The following KCNQ1 variants were observed in gnomAD, a reference collection of about 807,000 sequenced individuals.
KCNQ1 encodes the protein potassium voltage-gated channel subfamily KQT member 1.
In KCNQ1, 49 loss-of-function variants were observed where a neutral mutation model predicts 72.4. The ratio of observed to expected loss-of-function variants is 0.68; its 90% CI spans 0.54 to 0.86. The LOEUF (loss-of-function observed/expected upper bound fraction) is 0.86. Among genes scored for constraint, KCNQ1 ranks in the 40% least tolerant of loss-of-function variants. The pLI is 0.00. For synonymous variants in KCNQ1, 450 were observed against 412.6 expected (o/e 1.09, Z -1.10); for missense variants, 790 against 945.1 (o/e 0.84, Z 2.15).
Position 2,781,642 on chromosome 11 carries a change from G to A in KCNQ1, c.1794+3605G>A, listed in dbSNP as rs1250992299. ...AGGCCGCTCCAGCCCTCCTCCCCCA[G>A]CAAGTATTCTTAGCTTGGTCTCCAG... On this transcript the variant is annotated intron_variant, in intron 15 of 15. Transcript: ENST00000155840. The surrounding 1 kb of genome is among the most constrained non-coding windows in gnomAD (Gnocchi z 6.6). 6.6e-6 allele frequency among the ~76,000 whole-genome samples: 1 copy of A among 152,220 alleles called. No individual in the cohort carries two copies. The highest frequency in any genetic ancestry group is 2.4e-5 in the African/African-American group (1 of 41,458).
intron 12 of KCNQ1, among the ~76,000 whole-genome samples, chr11:2,773,964 G>A (rs1846648214): frequency 6.6e-6 from 1 of 150,766 alleles, no homozygotes; most frequent in Non-Finnish European, 1.5e-5. Flanking sequence ...ATTACAGAAG[G>A]GGGAATCAAG....
chr11:2,517,315 C>A (rs561593931), intron 1 of KCNQ1, among the ~76,000 whole-genome samples: 10 of 152,272 alleles, frequency 6.6e-5, no homozygotes, highest in Admixed American at 4.6e-4. Flanking sequence ...GGGTGAGATG[C>A]ACCTGATGGA....
rs150495886 is a variant in KCNQ1, at chr11:2,657,938, A to G, written c.1394-4023A>G. On this transcript the variant is annotated intron_variant, in intron 10 of 15. Transcript: ENST00000155840. The surrounding 1 kb of genome is among the most constrained non-coding windows in gnomAD (Gnocchi z 4.8). ...ACATCAACATGGTTTATCACTGGTAATATTAACCTTGAGCCACTCGTTTAA... is the reference window on the plus strand; with the variant it reads ...ACATCAACATGGTTTATCACTGGTAGTATTAACCTTGAGCCACTCGTTTAA... 2.5e-6 allele frequency: 1 copy of G among 398,600 alleles called. No individual in the cohort carries two copies. The highest frequency in any genetic ancestry group is 3.6e-5 in the East Asian group (1 of 28,068). 24.7% of individuals were successfully genotyped at this position (398,600 alleles called of 1,614,324 possible).
At chr11:2,455,307 C>T (rs954972707) in intron 1 of KCNQ1, among the ~76,000 whole-genome samples, 2 of 151,558 alleles carry the variant, frequency 1.3e-5, no homozygotes, top group Non-Finnish European at 2.9e-5. Flanking sequence ...ACCGTGTTAG[C>T]CAGGATGGTC....
intron 11 of KCNQ1, chr11:2,680,838 G>A (rs183846023): frequency 1.5e-4 from 59 of 398,124 alleles, no homozygotes; most frequent in Non-Finnish European, 1.7e-4. Flanking sequence ...TTTTGGGATC[G>A]GCTCTTTTCA....
chr11:2,794,502 C>G (rs756049826), intron 15 of KCNQ1, among the ~76,000 whole-genome samples: 1 of 152,026 alleles, frequency 6.6e-6, no homozygotes, highest in Non-Finnish European at 1.5e-5. Flanking sequence ...TTGGGGAGGC[C>G]GTGGTCAGGG....
chr11:2,735,354 G>A lies in KCNQ1; in HGVS notation c.1515-33490G>A, dbSNP rs548502671. 2.0e-5 allele frequency among the ~76,000 whole-genome samples: 3 copies of A among 152,086 alleles called. No homozygotes were observed. The East Asian group carries it at 5.8e-4, about 30-fold the overall frequency. ...CAATTGAGGCCCTGCCCGGTGGAGGGTGGGCCATGGCCGCCCCCACCTCCC... is the reference window on the plus strand; with the variant it reads ...CAATTGAGGCCCTGCCCGGTGGAGGATGGGCCATGGCCGCCCCCACCTCCC... On this transcript the variant is annotated intron_variant, in intron 11 of 15. Coordinates refer to ENST00000155840, the MANE Select transcript of KCNQ1 (RefSeq NM_000218.3). The surrounding 1 kb of genome is among the most constrained non-coding windows in gnomAD (Gnocchi z 7.7).
In KCNQ1 at chr11:2,653,924, A is replaced by G; in HGVS notation, c.1394-8037A>G. Reference sequence around the variant, plus strand: ...ATTTGAGAAGCTGTTCCCAGAAGCCAGGCCTGGCTGCTGGCAGGCAAAAAC... The same window carrying G: ...ATTTGAGAAGCTGTTCCCAGAAGCCGGGCCTGGCTGCTGGCAGGCAAAAAC... On this transcript the variant is annotated intron_variant, in intron 10 of 15. Coordinates refer to ENST00000155840, the MANE Select transcript of KCNQ1 (RefSeq NM_000218.3). The surrounding 1 kb of genome is among the most constrained non-coding windows in gnomAD (Gnocchi z 5.3). 1 of 398,750 alleles carries G rather than the reference A, an allele frequency of 2.5e-6. No homozygotes were observed. Among genetic ancestry groups the G allele is most frequent in the Non-Finnish European group, 4.4e-6 (1 of 226,138 alleles). 24.7% of individuals were successfully genotyped at this position (398,750 alleles called of 1,614,324 possible). A position where few individuals can be genotyped will look rare whatever the true frequency, so the allele number is the denominator to read the frequency against.
chr11:2,589,906 TG>T (rs1333038915), intron 10 of KCNQ1, among the ~76,000 whole-genome samples: 1 of 152,120 alleles, frequency 6.6e-6, no homozygotes, highest in East Asian at 1.9e-4. Flanking sequence ...GACCGTGAAC[TG>T]GGTAGCTCTA....
rs1264172906 is a variant in KCNQ1, at chr11:2,817,018, T to C, written c.1795-30749T>C. 3.3e-5 allele frequency among the ~76,000 whole-genome samples: 5 copies of C among 152,182 alleles called. No homozygotes were observed. Among genetic ancestry groups the C allele is most frequent in the African/African-American group, 1.2e-4 (5 of 41,538 alleles). The stretch of plus-strand genomic sequence containing the variant: ...AGGGCTTGAGGTCAACAGGGAGGTC[T>C]CAGGGCAACAGAGCCCAGTGGCACT... On this transcript the variant is annotated intron_variant, in intron 15 of 15. Transcript: ENST00000155840. This position sits in a 1 kb window ranked among gnomAD's most constrained non-coding sequence, Gnocchi z 6.1.
chr11:2,582,160 T>G (rs577376555), intron 6 of KCNQ1, among the ~76,000 whole-genome samples: 2 of 152,322 alleles, frequency 1.3e-5, no homozygotes, highest in Non-Finnish European at 2.9e-5. Context: ...TTCTGCTACC[T>G]GAGCCTCCGA....
rs1257504037 is a variant in KCNQ1, at chr11:2,673,217, TG to T, written c.1514+11137del. 110 of 398,742 alleles carry T rather than the reference TG, an allele frequency of 2.8e-4. No individual in the cohort carries two copies. Among genetic ancestry groups the T allele is most frequent in the African/African-American group, 2.1e-3 (103 of 48,766 alleles). 24.7% of individuals were successfully genotyped at this position (398,742 alleles called of 1,614,324 possible). On this transcript the variant is annotated intron_variant, in intron 11 of 15. Transcript: ENST00000155840. The surrounding 1 kb of genome is among the most constrained non-coding windows in gnomAD (Gnocchi z 4.5). ...AAAGCCGAACTGTGACTAGGCAAGC[TG>T]AGTCCCCTGTAGATTCTGGGGACTG...
chr11:2,596,428 G>C (rs1184363901), intron 10 of KCNQ1, among the ~76,000 whole-genome samples: 1 of 152,086 alleles, frequency 6.6e-6, no homozygotes, highest in Non-Finnish European at 1.5e-5. Flanking sequence ...CCCCAAACTG[G>C]AAGCAACCCA....
intron 1 of KCNQ1, among the ~76,000 whole-genome samples, chr11:2,448,527 C>T (rs1565024513): frequency 2.0e-5 from 3 of 152,228 alleles, no homozygotes; most frequent in Admixed American, 6.5e-5. Flanking sequence ...GCCCTCCTAT[C>T]TCCAGGCTCT....
chr11:2,696,979 T>TC (rs1307520526), intron 11 of KCNQ1: 3 of 398,466 alleles, frequency 7.5e-6, no homozygotes, highest in African/African-American at 4.1e-5. Flanking sequence ...ATTTTTTTTT[T>TC]CCATGTAGCC....
chr11:2,827,635 TGGGGTCGG>T lies in KCNQ1; in HGVS notation c.1795-20127_1795-20120del, dbSNP rs1433008891. On this transcript the variant is annotated intron_variant, in intron 15 of 15. Transcript: ENST00000155840. The surrounding 1 kb of genome is among the most constrained non-coding windows in gnomAD (Gnocchi z 6.7). ...GGTTCTGTTGATTAAAAAAAAAAAG[TGGGGTCGG>T]GGGGGCGGGGGAGAGCGGCTATGGA... Among the ~76,000 whole-genome samples the T allele has an allele frequency of 3.7e-5, 1 of 27,168 alleles. No homozygotes were observed. The highest frequency in any genetic ancestry group is 7.4e-5 in the Non-Finnish European group (1 of 13,556). The allele number at this position is 27,168 out of a possible 152,430, so 17.8% of individuals were successfully genotyped here. A position where few individuals can be genotyped will look rare whatever the true frequency, so the allele number is the denominator to read the frequency against.
chr11:2,731,331 C>T (rs888384283), intron 11 of KCNQ1, among the ~76,000 whole-genome samples: 1 of 152,236 alleles, frequency 6.6e-6, no homozygotes, highest in African/African-American at 2.4e-5. Context: ...GCCCAAATGC[C>T]CTCGTCCCAC....
chr11:2,806,674 C>G (rs1318701435), intron 15 of KCNQ1, among the ~76,000 whole-genome samples: 2 of 152,212 alleles, frequency 1.3e-5, no homozygotes, highest in African/African-American at 4.8e-5. Context: ...TGGGGGATCC[C>G]CATTCATTCT....
intron 11 of KCNQ1, among the ~76,000 whole-genome samples, chr11:2,765,935 T>G (rs1054684950): frequency 6.6e-6 from 1 of 152,228 alleles, no homozygotes; most frequent in East Asian, 1.9e-4. Context: ...TACCATCTTA[T>G]GCTTCTTTTT....
Sources: gnomAD v4.1 joint callset for allele counts (sites outside exome capture counted in the v4.1 genomes callset) on GRCh38, gnomAD v4.1.1 for gene constraint, Gnocchi (gnomAD v3.1) non-coding constraint, MANE v1.5 for transcripts, NCBI Gene and HGNC (gene_info 2026-07-23, HGNC 2026-07-21) for gene names.